PTPRT: variants seen among roughly 807,000 people sequenced by gnomAD.
The protein encoded by PTPRT is protein tyrosine phosphatase receptor type T.
Under a neutral mutation model 176.8 loss-of-function variants are expected in PTPRT, and 56 were observed. That is an observed-to-expected ratio of 0.32 (90% CI 0.26 to 0.40). PTPRT has a LOEUF of 0.40. Ranked by LOEUF, PTPRT falls within the 10% of genes least tolerant of loss-of-function variation. PTPRT has a pLI of 1.00. For missense variants in PTPRT, 1,540 were observed against 1,908.2 expected, an observed-to-expected ratio of 0.81 and a Z score of 3.60; for synonymous variants, 783 against 739.0, an observed-to-expected ratio of 1.06 and a Z score of -0.96.
intron 7 of PTPRT, among the ~76,000 whole-genome samples, chr20:42,519,978 A>G (rs1442070329): frequency 6.6e-6 from 1 of 152,086 alleles, no homozygotes; most frequent in Admixed American, 6.6e-5. Flanking sequence ...TAGTGAATTT[A>G]TCCTTTCATC....
chr20:42,412,558 T>A (rs1044814533), intron 9 of PTPRT, among the ~76,000 whole-genome samples: 2 of 152,174 alleles, frequency 1.3e-5, no homozygotes, highest in Admixed American at 6.5e-5. Flanking sequence ...TGGATATTTA[T>A]CCAAGAGAAA....
intron 9 of PTPRT, among the ~76,000 whole-genome samples, chr20:42,360,284 C>T (rs2058415340): frequency 6.6e-6 from 1 of 152,286 alleles, no homozygotes; most frequent in Non-Finnish European, 1.5e-5. Flanking sequence ...CCCCTCCAAT[C>T]CTTAGCACCG....
chr20:42,371,746 A>C (rs1186665940), intron 9 of PTPRT, among the ~76,000 whole-genome samples: 1 of 152,212 alleles, frequency 6.6e-6, no homozygotes, highest in East Asian at 1.9e-4. Context: ...TCAAGGGAAG[A>C]AATGTTAAGA....
chr20:42,620,223 G>T (rs1280945497), intron 7 of PTPRT, among the ~76,000 whole-genome samples: 1 of 149,724 alleles, frequency 6.7e-6, no homozygotes, highest in African/African-American at 2.5e-5. Flanking sequence ...GTGTGCCCCT[G>T]CTGGGGGGTG....
chr20:42,203,530 C>T (rs952346788), intron 15 of PTPRT, among the ~76,000 whole-genome samples: 27 of 152,170 alleles, frequency 1.8e-4, no homozygotes, highest in Non-Finnish European at 3.8e-4. Context: ...CACTGGTCAC[C>T]TCCTCTTTGT....
chr20:42,430,623 A>G (rs1378439479), intron 9 of PTPRT, among the ~76,000 whole-genome samples: 2 of 152,166 alleles, frequency 1.3e-5, no homozygotes, highest in African/African-American at 4.8e-5. Flanking sequence ...CGAGTCCTTC[A>G]ATTCAGAGTT....
At chr20:43,113,788 G>A (rs2012954743) in intron 1 of PTPRT, among the ~76,000 whole-genome samples, 1 of 152,160 alleles carries the variant, frequency 6.6e-6, no homozygotes, top group Non-Finnish European at 1.5e-5. Context: ...ACACCTATAG[G>A]AATGACTTTT....
chr20:43,135,410 C>T (rs921440621), intron 1 of PTPRT, among the ~76,000 whole-genome samples: 7 of 152,088 alleles, frequency 4.6e-5, no homozygotes, highest in South Asian at 4.2e-4. Flanking sequence ...GCAATATGTA[C>T]GCGGTGACCC....
At chr20:43,092,243 G>C (rs1354721519) in intron 1 of PTPRT, among the ~76,000 whole-genome samples, 2 of 152,180 alleles carry the variant, frequency 1.3e-5, no homozygotes, top group African/African-American at 4.8e-5. Flanking sequence ...ATCCCACTCT[G>C]AGAATTATCT....
intron 1 of PTPRT, among the ~76,000 whole-genome samples, chr20:43,177,456 C>T (rs1468115938): frequency 1.3e-5 from 2 of 152,208 alleles, no homozygotes; most frequent in African/African-American, 2.4e-5. Flanking sequence ...CAAAAGGATG[C>T]TCTCAAATTA....
chr20:42,034,816 G>A, the PTPRT span, among the ~76,000 whole-genome samples: 1 of 152,112 alleles, frequency 6.6e-6, no homozygotes, highest in Admixed American at 6.5e-5. Context: ...GGTGACATCT[G>A]GTTTGCTTCT....
chr20:42,648,903 C>G (rs2074974277), intron 7 of PTPRT, among the ~76,000 whole-genome samples: 1 of 146,794 alleles, frequency 6.8e-6, no homozygotes, highest in Non-Finnish European at 1.5e-5. Flanking sequence ...ACTGCAAGCT[C>G]TGCCTCCCGG....
intron 7 of PTPRT, among the ~76,000 whole-genome samples, chr20:42,598,243 G>A (rs545993496): frequency 6.6e-6 from 1 of 152,210 alleles, no homozygotes; most frequent in East Asian, 1.9e-4. Flanking sequence ...ATATATAACT[G>A]TGAAAATGAA....
chr20:42,697,833 A>G (rs1206514938), intron 6 of PTPRT, among the ~76,000 whole-genome samples: 5 of 152,260 alleles, frequency 3.3e-5, no homozygotes, highest in South Asian at 2.1e-4. Context: ...AATTGCCATC[A>G]TTCTTCATTG....
intron 17 of PTPRT, among the ~76,000 whole-genome samples, chr20:42,143,094 G>T (rs543636574): frequency 6.6e-6 from 1 of 152,266 alleles, no homozygotes; most frequent in South Asian, 2.1e-4. Context: ...ATAAGACATT[G>T]CTATTACTGG....
At chr20:42,904,208 A>ACTT (rs2079445132) in intron 1 of PTPRT, among the ~76,000 whole-genome samples, 1 of 152,142 alleles carries the variant, frequency 6.6e-6, no homozygotes, top group Non-Finnish European at 1.5e-5. Flanking sequence ...TCTGCAAAGG[A>ACTT]CCAATGCAGA....
rs1212020080 is a variant in PTPRT at position 42,780,306 on chromosome 20, C to A, written c.487-7G>T. 9.9e-6 allele frequency: 16 copies of A among 1,611,728 alleles called. No homozygotes were observed. Among genetic ancestry groups the A allele is most frequent in the African/African-American group, 1.3e-5 (1 of 74,864 alleles). ...AGACGGATTCAAATATCACCTGCAA[C>A]ACACAGGGCGGGAGTCAATTTCACA... On this transcript the variant is annotated splice_polypyrimidine_tract_variant and splice_region_variant and intron_variant, in intron 3 of 30. Coordinates refer to ENST00000373187, the MANE Select transcript of PTPRT (RefSeq NM_007050.6).
At chr20:42,255,495 A>G (rs997677595) in intron 13 of PTPRT, among the ~76,000 whole-genome samples, 2 of 152,236 alleles carry the variant, frequency 1.3e-5, no homozygotes, top group Admixed American at 1.3e-4. Context: ...CCTCCTTGTA[A>G]CCTGCTACCT....
At chr20:42,553,334 TTCTC>T (rs1334530662) in intron 7 of PTPRT, among the ~76,000 whole-genome samples, 1 of 152,062 alleles carries the variant, frequency 6.6e-6, no homozygotes, top group Non-Finnish European at 1.5e-5. Context: ...TGCATTTACT[TTCTC>T]TCAGCCCATT....
Sources: gnomAD v4.1 joint callset for allele counts (sites outside exome capture counted in the v4.1 genomes callset) on GRCh38, gnomAD v4.1.1 for gene constraint, MANE v1.5 for transcripts, NCBI Gene and HGNC (gene_info 2026-07-23, HGNC 2026-07-21) for gene names.